EIF2AK4: variants seen among roughly 807,000 people sequenced by gnomAD.
EIF2AK4 encodes the protein eIF-2-alpha kinase GCN2.
A neutral mutation model predicts 211.1 loss-of-function variants in EIF2AK4; 139 were observed. The ratio of observed to expected loss-of-function variants is 0.66; its 90% CI spans 0.57 to 0.76. The LOEUF (loss-of-function observed/expected upper bound fraction) is 0.76, where lower values mean the gene tolerates loss of function less well. Ranked by LOEUF, EIF2AK4 falls within the 30% of genes least tolerant of loss-of-function variation. The pLI is 0.00. For synonymous variants in EIF2AK4, 710 were observed against 751.3 expected (o/e 0.94, Z 0.90); for missense variants, 1,664 against 2,043.8 (o/e 0.81, Z 3.58).
At chr15:40,003,580 C>G (rs1320254607) in intron 23 of EIF2AK4, among the ~76,000 whole-genome samples, 2 of 152,182 alleles carry the variant, frequency 1.3e-5, no homozygotes, top group African/African-American at 4.8e-5. Flanking sequence ...GTGCACCCCC[C>G]AGTGTTGAGT....
At chr15:39,942,095 A>G (rs1007379473) in intron 2 of EIF2AK4, among the ~76,000 whole-genome samples, 13 of 152,190 alleles carry the variant, frequency 8.5e-5, no homozygotes, top group Non-Finnish European at 1.8e-4. Context: ...TTCTGTTAAT[A>G]TTGCTATATT....
At chr15:39,935,298 A>G (rs2034048125) in intron 1 of EIF2AK4, among the ~76,000 whole-genome samples, 1 of 151,876 alleles carries the variant, frequency 6.6e-6, no homozygotes, top group East Asian at 1.9e-4. Flanking sequence ...TCTGAATATT[A>G]TCATATTATC....
intron 29 of EIF2AK4, among the ~76,000 whole-genome samples, chr15:40,018,441 G>A (rs911880441): frequency 6.8e-6 from 1 of 146,204 alleles, no homozygotes; most frequent in Non-Finnish European, 1.5e-5. Context: ...GGCATTCTTT[G>A]ATTTTTTTTT....
intron 17 of EIF2AK4, chr15:39,992,451 G>C: frequency 1.9e-6 from 1 of 525,960 alleles, no homozygotes; most frequent in Non-Finnish European, 3.3e-6. Flanking sequence ...AGAATAATTG[G>C]CTCCCAGGGG....
chr15:39,977,004 T>C, intron 12 of EIF2AK4, 160 bp downstream of exon 12: 1 of 920,790 alleles, frequency 1.1e-6, no homozygotes, highest in Non-Finnish European at 1.5e-6. Flanking sequence ...AGGCTGGAGG[T>C]CAGTGGCGCG....
In EIF2AK4 at chr15:39,976,537, A is replaced by G. The variant is rs780037863; in HGVS notation, c.1942A>G (p.Ile648Val). ...GCTGTCACGGCTGCACCATGAGAAC[A>G]TTGTGCGCTACTACAACGCCTGGAT... ...TLLSRLHHEN[I>V]VRYYNAWIER... The change falls in exon 12 of 39, where the codon ATT becomes GTT. Residue 648 changes from isoleucine to valine, a missense_variant. Ile to Val is a conservative substitution (Grantham distance 29). This residue lies in a region of EIF2AK4 where 37 missense variants were observed against 84.0 expected (regional missense o/e 0.44). Coordinates refer to ENST00000263791, the MANE Select transcript of EIF2AK4 (RefSeq NM_001013703.4). The G allele has an allele frequency of 1.9e-6, 3 of 1,613,190 alleles. No individual in the cohort carries two copies. The East Asian group carries it at 6.7e-5, about 36-fold the overall frequency.
At chr15:40,030,560 T>C in intron 35 of EIF2AK4, 104 bp downstream of exon 35, 6 of 1,300,780 alleles carry the variant, frequency 4.6e-6, no homozygotes, top group Non-Finnish European at 6.3e-6. Flanking sequence ...CTTGGAAATA[T>C]TTTTTCCAAG....
intron 21 of EIF2AK4, chr15:40,002,500 T>G: frequency 4.2e-6 from 2 of 480,340 alleles, no homozygotes; most frequent in Non-Finnish European, 7.4e-6. Flanking sequence ...ATCCTTCCCA[T>G]TGGTTGAAAG....
At position 39,956,492 on chromosome 15, in the gene EIF2AK4, G is replaced by A. The variant is rs528579436; in HGVS notation, c.743+724G>A. ...AAGGAGTGCCTGAAAATGAGCACAG[G>A]TGAGACATCTGTTACATGAGAGTAG... On this transcript the variant is annotated intron_variant, in intron 6 of 38. Coordinates refer to ENST00000263791, the MANE Select transcript of EIF2AK4 (RefSeq NM_001013703.4). Among the ~76,000 whole-genome samples the A allele has an allele frequency of 2.6e-5, 4 of 152,332 alleles. No individual in the cohort carries two copies. In the East Asian group the frequency reaches 5.8e-4, roughly 22 times the overall value.
intron 4 of EIF2AK4, 115 bp downstream of exon 4, chr15:39,949,383 A>T: frequency 6.9e-7 from 1 of 1,441,936 alleles, no homozygotes; most frequent in Non-Finnish European, 9.3e-7. Context: ...TCAGCCTTTG[A>T]TTCAAGAAAG....
At chr15:40,011,392 G>GC in intron 27 of EIF2AK4, 46 bp downstream of exon 27, 1 of 1,509,992 alleles carries the variant, frequency 6.6e-7, no homozygotes, top group South Asian at 1.2e-5. Context: ...CTGTAATTTT[G>GC]TGATACCAGA....
intron 6 of EIF2AK4, among the ~76,000 whole-genome samples, chr15:39,956,543 C>T (rs2034394963): frequency 1.3e-5 from 2 of 152,172 alleles, no homozygotes; most frequent in African/African-American, 4.8e-5. Context: ...GCCAGGGGTC[C>T]CCTCCCTAAT....
At position 40,002,755 on chromosome 15, in the gene EIF2AK4, T is replaced by TGCAGCAGCAGATGCG; in HGVS notation, c.3203_3204insCAGCAGCAGATGCGG (p.Cys1068_Glu1069insSerSerArgCysGly). 6.2e-7 allele frequency: 1 copy of TGCAGCAGCAGATGCG among 1,614,250 alleles called. No homozygotes were observed. Among genetic ancestry groups the TGCAGCAGCAGATGCG allele is most frequent in the South Asian group, 1.1e-5 (1 of 91,080 alleles). The stretch of plus-strand genomic sequence containing the variant: ...TACAGCCAAGATGCAGCAGCATGTG[T>TGCAGCAGCAGATGCG]GTGAAACCATCATCCGCATCTTTAA... On this transcript the variant is annotated inframe_insertion, in exon 22 of 39. Coordinates refer to ENST00000263791, the MANE Select transcript of EIF2AK4 (RefSeq NM_001013703.4).
chr15:40,035,203 C>A lies in EIF2AK4; in HGVS notation c.*119C>A. On this transcript the variant is annotated 3_prime_UTR_variant, in exon 39 of 39. Coordinates refer to ENST00000263791, the MANE Select transcript of EIF2AK4 (RefSeq NM_001013703.4). The stretch of plus-strand genomic sequence containing the variant: ...TCTAAGAAGAGGCTGGGTGCAGTGG[C>A]TCACACCTTTAATCCCAGCACTTTG... The A allele has an allele frequency of 1.3e-6, 1 of 758,284 alleles. No individual in the cohort carries two copies. The highest frequency in any genetic ancestry group is 1.9e-6 in the Non-Finnish European group (1 of 518,656). The allele number at this position is 758,284 out of a possible 1,614,324, so 47.0% of individuals were successfully genotyped here.
chr15:39,967,641 G>A lies in EIF2AK4; in HGVS notation c.1315G>A (p.Val439Ile), dbSNP rs767233841. 57 of 1,614,028 alleles carry A rather than the reference G, an allele frequency of 3.5e-5. No homozygotes were observed. The highest frequency in any genetic ancestry group is 6.7e-5 in the African/African-American group (5 of 74,914). ...SNVLVDAEGT[V>I]KITDYSISKR... ...TGTCTTGGTGGATGCAGAAGGCACC[G>A]TCAAGATTACGGACTATAGCATTTC... Residue 439 changes from valine to isoleucine, a missense_variant, in exon 9 of 39, where the codon GTC becomes ATC. By Grantham distance (29) the Val-to-Ile change is conservative. Transcript: ENST00000263791.
At chr15:39,964,978 G>A (rs182174491) in intron 7 of EIF2AK4, among the ~76,000 whole-genome samples, 2 of 152,114 alleles carry the variant, frequency 1.3e-5, no homozygotes, top group Non-Finnish European at 2.9e-5. Flanking sequence ...TAATGATCTC[G>A]ATGGCTTGTT....
At chr15:40,003,428 A>G in intron 23 of EIF2AK4, 114 bp downstream of exon 23, 1 of 1,470,814 alleles carries the variant, frequency 6.8e-7, no homozygotes, top group African/African-American at 1.4e-5. Flanking sequence ...ACCTTTGGGA[A>G]ATGTATTCTT....
chr15:40,017,144 C>T lies in EIF2AK4; in HGVS notation c.3967C>T (p.Gln1323Ter). 1.2e-6 allele frequency: 2 copies of T among 1,614,026 alleles called. No homozygotes were observed. Among genetic ancestry groups the T allele is most frequent in the Non-Finnish European group, 1.7e-6 (2 of 1,179,922 alleles). ...TTTGGGCTTGGTTTACAAGGTGCAG[C>T]AGCACAATGGAATCATCTTCCAGTT... is the stretch of plus-strand genomic sequence containing the variant. ...INLGLVYKVQ[Q>*]HNGIIFQFVA... The change falls in exon 29 of 39, where the codon CAG becomes TAG. Residue 1323 changes from glutamine to a stop codon, truncating the protein, a stop_gained. Coordinates refer to ENST00000263791, the MANE Select transcript of EIF2AK4 (RefSeq NM_001013703.4). LOFTEE classifies it high-confidence loss of function.
At chr15:40,009,559 C>T in intron 25 of EIF2AK4, 55 bp from the exon 26 acceptor site, 1 of 1,113,094 alleles carries the variant, frequency 9.0e-7, no homozygotes, top group Non-Finnish European at 1.3e-6. Context: ...CAGATTTGGT[C>T]ATGTACCAGT....
Sources: allele counts gnomAD v4.1 joint callset (sites outside exome capture counted in the v4.1 genomes callset), GRCh38; gene constraint gnomAD v4.1.1; regional missense constraint gnomAD v4.1.1; transcripts MANE v1.5; gene names NCBI Gene and HGNC (gene_info 2026-07-23, HGNC 2026-07-21).